SMTNL1: variants seen among roughly 807,000 people sequenced by gnomAD.
SMTNL1 encodes smoothelin-like protein 1.
SMTNL1 carries 41 observed loss-of-function variants against 46.6 expected under a neutral mutation model. The observed-to-expected ratio is 0.88, with a 90% CI of 0.69 to 1.14. SMTNL1 has a LOEUF of 1.14. Among genes scored for constraint, SMTNL1 ranks in the 50% most tolerant of loss-of-function variants. SMTNL1 has a pLI of 0.00. For missense variants in SMTNL1, 591 were observed against 626.1 expected (o/e 0.94, Z 0.60); for synonymous variants, 234 against 234.2 (o/e 1.00, Z 0.01).
chr11:57,543,494 G>T, intron 2 of SMTNL1, 120 bp downstream of exon 2: 1 of 1,518,518 alleles, frequency 6.6e-7, no homozygotes, highest in South Asian at 1.3e-5. Flanking sequence ...CCAGAGCCCA[G>T]GGTGGGGGAG....
rs1944918461 is a variant in SMTNL1 at position 57,545,959 on chromosome 11, G to T, written c.996G>T (p.Glu332Asp). 6.2e-7 allele frequency: 1 copy of T among 1,613,512 alleles called. No homozygotes were observed. Among genetic ancestry groups the T allele is most frequent in the East Asian group, 2.2e-5 (1 of 44,878 alleles). ...SSGEKKEKAP[E>D]RRVSAPARPR... Reference sequence around the variant, plus strand: ...GGGAGAAGAAGGAGAAGGCACCAGAGCGCAGGGTATCAGCCCCTGCTCGGC... The same window carrying T: ...GGGAGAAGAAGGAGAAGGCACCAGATCGCAGGGTATCAGCCCCTGCTCGGC... The change falls in exon 5 of 8, where the codon GAG (glutamate) becomes GAT (aspartate). Residue 332 changes from glutamate to aspartate, a missense_variant. Physicochemically the swap from Glu to Asp is conservative, Grantham distance 45 (BLOSUM62 2). Transcript: ENST00000527972.
chr11:57,544,429 G>A (rs757634449), intron 4 of SMTNL1, among the ~76,000 whole-genome samples: 2 of 152,206 alleles, frequency 1.3e-5, no homozygotes, highest in Non-Finnish European at 2.9e-5. Context: ...AAAGGAGCAC[G>A]AAGGATACCT....
Position 57,545,961 on chromosome 11 carries a change from G to A in SMTNL1, c.998G>A (p.Arg333His), listed in dbSNP as rs531246829. The A allele has an allele frequency of 1.5e-5, 25 of 1,613,490 alleles. No individual in the cohort carries two copies. Among genetic ancestry groups the A allele is most frequent in the Admixed American group, 8.3e-5 (5 of 59,910 alleles). The change falls in exon 5 of 8, where the codon CGC (arginine) becomes CAC (histidine). Residue 333 changes from arginine (R) to histidine (H), a missense_variant. Physicochemically the swap from Arg to His is conservative, Grantham distance 29 (BLOSUM62 0). Coordinates refer to ENST00000527972, the MANE Select transcript of SMTNL1 (RefSeq NM_001105565.3). ...SGEKKEKAPE[R>H]RVSAPARPRG... is the part of the protein sequence containing the mutation. ...GAGAAGAAGGAGAAGGCACCAGAGCGCAGGGTATCAGCCCCTGCTCGGCCC... is the reference window on the plus strand; with the variant it reads ...GAGAAGAAGGAGAAGGCACCAGAGCACAGGGTATCAGCCCCTGCTCGGCCC...
At chr11:57,546,412 C>T (rs1246214506) in intron 6 of SMTNL1, 65 bp downstream of exon 6, 1 of 1,480,296 alleles carries the variant, frequency 6.8e-7, no homozygotes, top group Non-Finnish European at 9.1e-7. Flanking sequence ...TGGTGCAAAC[C>T]CCAAAGGGTG....
At chr11:57,544,592 G>A (rs1368579443) in intron 4 of SMTNL1, among the ~76,000 whole-genome samples, 1 of 152,228 alleles carries the variant, frequency 6.6e-6, no homozygotes, top group African/African-American at 2.4e-5. Context: ...GTTCTGCCAT[G>A]TACCAGCTGT....
At chr11:57,543,499 G>T in intron 2 of SMTNL1, 125 bp downstream of exon 2, 1 of 1,516,784 alleles carries the variant, frequency 6.6e-7, no homozygotes, top group East Asian at 2.4e-5. Flanking sequence ...GCCCAGGGTG[G>T]GGGAGGGGGG....
rs117148874 is a variant in SMTNL1 at position 57,537,877 on chromosome 11, A to G, written c.-3+235A>G. On this transcript the variant is annotated intron_variant, in intron 1 of 7. Transcript: ENST00000527972. ...GCCATCCACGAGGAGGCCACAGAGC[A>G]GGGGAGGGGACCTTGGGAGTCTCAA... 2.2e-3 allele frequency among the ~76,000 whole-genome samples: 330 copies of G among 152,338 alleles called. 4 individuals are homozygous for G. The highest frequency in any genetic ancestry group is 0.016 in the East Asian group (83 of 5,172).
chr11:57,548,997 G>A (rs1324257152), intron 7 of SMTNL1, among the ~76,000 whole-genome samples: 1 of 151,802 alleles, frequency 6.6e-6, no homozygotes, highest in African/African-American at 2.4e-5. Context: ...CTCTGGCTAG[G>A]ATTTGGTTTC....
intron 7 of SMTNL1, 54 bp downstream of exon 7, chr11:57,546,706 G>A (rs1944926523): frequency 1.3e-6 from 2 of 1,575,872 alleles, no homozygotes; most frequent in Non-Finnish European, 8.6e-7. Flanking sequence ...GCGAGGACTG[G>A]ATTCACAGGG....
Position 57,543,364 on chromosome 11 carries a change from C to G in SMTNL1, c.722C>G (p.Ala241Gly). ...GATGCAAAAGAGGAGGCGGAGGATG[C>G]AGAGGAGGCAGTGAGTGAGGCAGGA... The part of the protein sequence containing the change: ...EADAKEEAED[A>G]EEAEPGSPSE... Residue 241 changes from alanine (A) to glycine (G), a missense_variant, in exon 2 of 8, where the codon GCA becomes GGA. Physicochemically the swap from Ala to Gly is moderately conservative, Grantham distance 60. Coordinates refer to ENST00000527972, the MANE Select transcript of SMTNL1 (RefSeq NM_001105565.3). 6.2e-7 allele frequency: 1 copy of G among 1,613,274 alleles called. No individual in the cohort carries two copies. Among genetic ancestry groups the G allele is most frequent in the Non-Finnish European group, 8.5e-7 (1 of 1,179,462 alleles).
At chr11:57,541,385 A>G (rs370721364) in intron 1 of SMTNL1, 8 of 697,970 alleles carry the variant, frequency 1.1e-5, no homozygotes, top group Non-Finnish European at 1.7e-5. Flanking sequence ...TACACCCCCC[A>G]AAAAGGGCAG....
At chr11:57,541,465 T>C (rs1428651345) in intron 1 of SMTNL1, 2 of 1,365,972 alleles carry the variant, frequency 1.5e-6, no homozygotes, top group Non-Finnish European at 2.0e-6. Context: ...ATACAGTACT[T>C]AAATAGGAAA....
intron 4 of SMTNL1, 56 bp from the exon 5 acceptor site, chr11:57,545,825 T>A (rs1944916335): frequency 2.2e-6 from 3 of 1,373,578 alleles, no homozygotes; most frequent in Non-Finnish European, 3.0e-6. Flanking sequence ...CCCCTCCCTG[T>A]GTCCTGCAGT....
At chr11:57,541,849 T>C (rs889149778) in intron 1 of SMTNL1, among the ~76,000 whole-genome samples, 4 of 152,188 alleles carry the variant, frequency 2.6e-5, no homozygotes, top group African/African-American at 9.6e-5. Context: ...TTACCAGAGA[T>C]AGAAAGTAAC....
At chr11:57,545,818 C>G in intron 4 of SMTNL1, 63 bp from the exon 5 acceptor site, 1 of 1,505,244 alleles carries the variant, frequency 6.6e-7, no homozygotes, top group Non-Finnish European at 9.0e-7. Context: ...CCACAGCCCC[C>G]TCCCTGTGTC....
At chr11:57,548,724 A>C (rs1234629785) in intron 7 of SMTNL1, among the ~76,000 whole-genome samples, 1 of 152,144 alleles carries the variant, frequency 6.6e-6, no homozygotes, top group Non-Finnish European at 1.5e-5. Context: ...GATCTCCTCC[A>C]ACATAAGAAC....
At position 57,543,280 on chromosome 11, in the gene SMTNL1, C is replaced by G. The variant is rs1944895691; in HGVS notation, c.638C>G (p.Ala213Gly). The G allele has an allele frequency of 6.2e-7, 1 of 1,613,892 alleles. No homozygotes were observed. The highest frequency in any genetic ancestry group is 1.1e-5 in the South Asian group (1 of 91,074). The change falls in exon 2 of 8, where the codon GCT (alanine) becomes GGT (glycine). Residue 213 changes from alanine to glycine, a missense_variant. Coordinates refer to ENST00000527972, the MANE Select transcript of SMTNL1 (RefSeq NM_001105565.3). ...GCTGTTGTGGAGGATGAGGCTAAGG[C>G]TGAACCCAAGGAGCCCGATGGGAAA... ...QKAVVEDEAK[A>G]EPKEPDGKEE...
chr11:57,540,802 C>T (rs1944868883), intron 1 of SMTNL1, among the ~76,000 whole-genome samples: 1 of 152,010 alleles, frequency 6.6e-6, no homozygotes. Flanking sequence ...CCTCCACCTC[C>T]CGGGTTCAAG....
chr11:57,543,207 C>A lies in SMTNL1; in HGVS notation c.565C>A (p.Pro189Thr), dbSNP rs561881729. The change falls in exon 2 of 8, where the codon CCC (proline) becomes ACC (threonine). Residue 189 changes from proline (P) to threonine (T), a missense_variant. Transcript: ENST00000527972. The stretch of plus-strand genomic sequence containing the variant: ...CCAGAGGAAAGAGTGCAGCACTGAA[C>A]CCAAGGAGAAGGCTACTGATGAAGA... Reference protein sequence around the residue: ...TGQRKECSTEPKEKATDEEAK... With the variant: ...TGQRKECSTETKEKATDEEAK... 2.4e-4 allele frequency: 392 copies of A among 1,613,690 alleles called. No individual in the cohort carries two copies. In the South Asian group the frequency reaches 4.1e-3, roughly 17 times the overall value.
Sources: gnomAD v4.1 joint callset for allele counts (sites outside exome capture counted in the v4.1 genomes callset) on GRCh38, gnomAD v4.1.1 for gene constraint, MANE v1.5 for transcripts, NCBI Gene and HGNC (gene_info 2026-07-23, HGNC 2026-07-21) for gene names.